The following XKR6 variants were observed in gnomAD, a reference collection of about 807,000 sequenced individuals.
The protein encoded by XKR6 is XK-related protein 6.
A neutral mutation model predicts 56.7 loss-of-function variants in XKR6; 22 were observed. The observed-to-expected ratio is 0.39, with a 90% CI of 0.28 to 0.55. The LOEUF (loss-of-function observed/expected upper bound fraction) is 0.55. XKR6 is among the 20% of genes least tolerant of loss of function. The probability of loss-of-function intolerance (pLI) is 0.66; values close to 1 mark genes in which losing one functional copy is unlikely to be tolerated. For missense variants in XKR6, 852 were observed against 889.0 expected (o/e 0.96, Z 0.53); for synonymous variants, 524 against 387.8 (o/e 1.35, Z -4.13).
At chr8:11,003,301 C>G (rs992609830) in intron 1 of XKR6, among the ~76,000 whole-genome samples, 2 of 152,100 alleles carry the variant, frequency 1.3e-5, no homozygotes, top group Admixed American at 6.6e-5. Context: ...ACCACCTCAT[C>G]ATCACCACCA....
At chr8:11,129,508 C>T (rs1036121007) in intron 1 of XKR6, among the ~76,000 whole-genome samples, 13 of 152,070 alleles carry the variant, frequency 8.5e-5, no homozygotes, top group African/African-American at 3.1e-4. Flanking sequence ...ACAGGAGGAC[C>T]ATTAGATGCC....
Position 10,897,040 on chromosome 8 carries a change from T to C in XKR6, c.*912A>G, listed in dbSNP as rs957038476. 6.5e-6 allele frequency: 1 copy of C among 152,690 alleles called. No individual in the cohort carries two copies. Among genetic ancestry groups the C allele is most frequent in the Non-Finnish European group, 1.5e-5 (1 of 68,048 alleles). 9.5% of individuals were successfully genotyped at this position (152,690 alleles called of 1,614,324 possible). On this transcript the variant is annotated 3_prime_UTR_variant, in exon 3 of 3. Transcript: ENST00000416569. ...ATCTCCTTTAATTTGCTTTAGAATA[T>C]CCTGTCCTTACCGAATTATTGCGGT... is the stretch of plus-strand genomic sequence containing the variant.
intron 1 of XKR6, among the ~76,000 whole-genome samples, chr8:11,054,220 G>A (rs1799624813): frequency 6.6e-6 from 1 of 152,146 alleles, no homozygotes; most frequent in Non-Finnish European, 1.5e-5. Flanking sequence ...CCCTCTTCTG[G>A]ACATGGCCAT....
chr8:11,007,670 C>CA (rs1798401486), intron 1 of XKR6, among the ~76,000 whole-genome samples: 1 of 152,070 alleles, frequency 6.6e-6, no homozygotes, highest in Non-Finnish European at 1.5e-5. Flanking sequence ...AGGAAACAAA[C>CA]AAACAAACAA....
At chr8:11,141,215 T>A (rs927040082) in intron 1 of XKR6, among the ~76,000 whole-genome samples, 1 of 152,230 alleles carries the variant, frequency 6.6e-6, no homozygotes. Flanking sequence ...CCTATGTGTA[T>A]TGTGGGACAA....
chr8:10,911,196 G>GTTCA, intron 2 of XKR6, among the ~76,000 whole-genome samples: 1 of 123,920 alleles, frequency 8.1e-6, no homozygotes, highest in African/African-American at 3.1e-5. Flanking sequence ...GAGAGAGGGT[G>GTTCA]TGCGTGTGTG....
chr8:10,902,257 C>T (rs1045437496), intron 2 of XKR6, among the ~76,000 whole-genome samples: 5 of 152,196 alleles, frequency 3.3e-5, no homozygotes, highest in Non-Finnish European at 5.9e-5. Context: ...AGTCTGCTGG[C>T]GAGCTAATGG....
intron 1 of XKR6, among the ~76,000 whole-genome samples, chr8:10,997,260 C>T (rs1039574858): frequency 2.6e-5 from 4 of 152,194 alleles, no homozygotes; most frequent in Admixed American, 2.0e-4. Flanking sequence ...CTTATACATA[C>T]CTGTTTTTTT....
chr8:10,898,072 T>C lies in XKR6; in HGVS notation c.1806A>G (p.Val602=), dbSNP rs759059135. 9 of 1,614,138 alleles carry C rather than the reference T, an allele frequency of 5.6e-6. No homozygotes were observed. The highest frequency in any genetic ancestry group is 7.6e-6 in the Non-Finnish European group (9 of 1,179,992). The stretch of plus-strand genomic sequence containing the variant: ...TAATAGTCCTTCTCAGCCTCCTGTC[T>C]ACAAAATGAGCATCCCAAGCTGGGT... ...KRYPAWDAHF[V]DRRLRRTINI... Residue 602 remains valine (V), a synonymous_variant, in exon 3 of 3, where the codon GTA becomes GTG. Transcript: ENST00000416569. The surrounding 1 kb of genome is among the most constrained non-coding windows in gnomAD (Gnocchi z 6.6).
intron 1 of XKR6, among the ~76,000 whole-genome samples, chr8:10,978,787 C>A (rs539510846): frequency 4.6e-5 from 7 of 152,330 alleles, no homozygotes; most frequent in South Asian, 2.1e-4. Flanking sequence ...AACTCCTCCC[C>A]CCGTGCTGAC....
At chr8:10,977,239 G>A (rs898069922) in intron 1 of XKR6, among the ~76,000 whole-genome samples, 4 of 152,196 alleles carry the variant, frequency 2.6e-5, no homozygotes, top group African/African-American at 9.6e-5. Context: ...AGGAGGGGTG[G>A]CCTGCCTGAA....
At chr8:11,037,971 G>C (rs1799189151) in intron 1 of XKR6, among the ~76,000 whole-genome samples, 1 of 150,768 alleles carries the variant, frequency 6.6e-6, no homozygotes, top group Non-Finnish European at 1.5e-5. Flanking sequence ...AGGTTGTAGT[G>C]AGCCAAGATC....
intron 1 of XKR6, among the ~76,000 whole-genome samples, chr8:11,064,898 C>A (rs866825584): frequency 1.5e-4 from 23 of 152,134 alleles, no homozygotes; most frequent in Admixed American, 5.9e-4. Context: ...AAAAGGAAAA[C>A]AGAAGAAGTG....
rs983410887 is a variant in XKR6 at position 11,136,925 on chromosome 8, T to A, written c.764+63651A>T. On this transcript the variant is annotated intron_variant, in intron 1 of 2. Coordinates refer to ENST00000416569, the MANE Select transcript of XKR6 (RefSeq NM_173683.4). ...TCTTTTTCAATATTTGCATATTCTCTAAATTTTCTACAATGACCCACCACA... is the reference window on the plus strand; with the variant it reads ...TCTTTTTCAATATTTGCATATTCTCAAAATTTTCTACAATGACCCACCACA... 2.6e-5 allele frequency: 4 copies of A among 152,274 alleles called. No individual in the cohort carries two copies. The South Asian group carries it at 8.3e-4, about 32-fold the overall frequency. The allele number at this position is 152,274 out of a possible 1,614,324, so 9.4% of individuals were successfully genotyped here.
At chr8:10,938,271 C>A (rs915127718) in intron 1 of XKR6, among the ~76,000 whole-genome samples, 2 of 152,148 alleles carry the variant, frequency 1.3e-5, no homozygotes, top group East Asian at 3.9e-4. Context: ...GCGCACGGTG[C>A]GCGCACCCAC....
intron 1 of XKR6, among the ~76,000 whole-genome samples, chr8:11,045,779 T>C (rs1376330712): frequency 6.6e-6 from 1 of 152,178 alleles, no homozygotes; most frequent in Non-Finnish European, 1.5e-5. Context: ...ACAGAGGCAG[T>C]GCACTGGTGT....
chr8:10,958,198 T>C (rs1801955055), intron 1 of XKR6, among the ~76,000 whole-genome samples: 1 of 152,152 alleles, frequency 6.6e-6, no homozygotes, highest in Non-Finnish European at 1.5e-5. Context: ...AGCCCTTCCA[T>C]GAGATGCAAG....
At chr8:10,920,465 C>G (rs746455874) in intron 2 of XKR6, among the ~76,000 whole-genome samples, 3 of 152,174 alleles carry the variant, frequency 2.0e-5, no homozygotes, top group African/African-American at 7.2e-5. Flanking sequence ...TGGGAGTCAC[C>G]CCAGCTTTCT....
intron 2 of XKR6, 102 bp downstream of exon 2, chr8:10,924,532 A>G: frequency 7.1e-7 from 1 of 1,409,802 alleles, no homozygotes; most frequent in Non-Finnish European, 9.6e-7. Flanking sequence ...CAGGATGGGC[A>G]ATGCCCACAG....
Sources: gnomAD v4.1 joint callset for allele counts (sites outside exome capture counted in the v4.1 genomes callset) on GRCh38, gnomAD v4.1.1 for gene constraint, Gnocchi (gnomAD v3.1) non-coding constraint, MANE v1.5 for transcripts, NCBI Gene and HGNC (gene_info 2026-07-23, HGNC 2026-07-21) for gene names.